Variants in SYNPO2 observed in about 807,000 individuals in gnomAD.
The protein encoded by SYNPO2 is synaptopodin 2.
A neutral mutation model predicts 85.0 loss-of-function variants in SYNPO2; 56 were observed. The observed-to-expected ratio is 0.66, with a 90% confidence interval of 0.53 to 0.82. The LOEUF (loss-of-function observed/expected upper bound fraction) is 0.82. Among genes scored for constraint, SYNPO2 ranks in the 40% least tolerant of loss-of-function variants. The pLI is 0.00. For missense variants in SYNPO2, 1,575 were observed against 1,534.2 expected (o/e 1.03, Z -0.44); for synonymous variants, 602 against 591.1 (o/e 1.02, Z -0.27).
In SYNPO2 at chr4:118,902,731, T is replaced by G. The variant is rs111839735; in HGVS notation, c.105+13590T>G. ...TTTTCTCTTCTTCTGAAATGTATTC[T>G]CCCCGTGAGAGAAGAGGAATTTAAG... On this transcript the variant is annotated intron_variant, in intron 1 of 4. Transcript: ENST00000307142. Among the ~76,000 whole-genome samples, 427 of 152,304 alleles carry G rather than the reference T, an allele frequency of 2.8e-3. 2 individuals are homozygous for G. Among genetic ancestry groups the G allele is most frequent in the African/African-American group, 9.2e-3 (382 of 41,570 alleles).
chr4:119,000,558 A>G (rs1320276271), intron 1 of SYNPO2, among the ~76,000 whole-genome samples: 1 of 152,202 alleles, frequency 6.6e-6, no homozygotes, highest in Admixed American at 6.5e-5. Flanking sequence ...AGCATGAGCT[A>G]TAGTTGCTCA....
At chr4:118,926,869 G>A (rs1042737747) in intron 1 of SYNPO2, among the ~76,000 whole-genome samples, 4 of 152,300 alleles carry the variant, frequency 2.6e-5, no homozygotes, top group African/African-American at 7.2e-5. Flanking sequence ...TACACGAGCA[G>A]ATTCCCTTCT....
chr4:118,995,228 T>C (rs1475223486), intron 1 of SYNPO2, among the ~76,000 whole-genome samples: 1 of 152,134 alleles, frequency 6.6e-6, no homozygotes, highest in African/African-American at 2.4e-5. Context: ...TCTTTAAACA[T>C]ATGCCTTTGT....
intron 1 of SYNPO2, among the ~76,000 whole-genome samples, chr4:119,011,325 C>A (rs141066209): frequency 2.6e-5 from 4 of 151,960 alleles, no homozygotes; most frequent in African/African-American, 9.7e-5. Flanking sequence ...AAATTGCAAC[C>A]AAGCCTACAC....
chr4:118,936,508 C>T (rs1203945987), intron 1 of SYNPO2, among the ~76,000 whole-genome samples: 2 of 152,016 alleles, frequency 1.3e-5, no homozygotes, highest in East Asian at 1.9e-4. Flanking sequence ...TCAAAATGGC[C>T]GTGTTCAGAT....
At chr4:119,051,413 G>C (rs1362026457) in intron 4 of SYNPO2, among the ~76,000 whole-genome samples, 2 of 151,154 alleles carry the variant, frequency 1.3e-5, no homozygotes, top group Admixed American at 1.3e-4. Flanking sequence ...GGATGGTCTC[G>C]ATCTCCTGAC....
intron 1 of SYNPO2, among the ~76,000 whole-genome samples, chr4:118,939,180 G>T (rs1203790497): frequency 2.6e-5 from 4 of 152,222 alleles, no homozygotes; most frequent in Non-Finnish European, 5.9e-5. Context: ...AGTTGGTTTA[G>T]CAGTGTCTGG....
intron 1 of SYNPO2, among the ~76,000 whole-genome samples, chr4:118,987,121 C>G (rs868523326): frequency 1.3e-5 from 2 of 152,200 alleles, no homozygotes; most frequent in South Asian, 4.1e-4. Context: ...TTTTAGATAT[C>G]TAAATGGACA....
At chr4:118,964,197 C>T (rs1337841296) in intron 1 of SYNPO2, among the ~76,000 whole-genome samples, 3 of 152,094 alleles carry the variant, frequency 2.0e-5, no homozygotes, top group Non-Finnish European at 4.4e-5. Context: ...TGCCTGCAAT[C>T]CCAGCACTTT....
chr4:118,899,113 A>G (rs1478328628), intron 1 of SYNPO2, among the ~76,000 whole-genome samples: 1 of 152,208 alleles, frequency 6.6e-6, no homozygotes, highest in Non-Finnish European at 1.5e-5. Flanking sequence ...GCTTTTGTTC[A>G]CAAGTCTGTT....
Position 118,980,853 on chromosome 4 carries a change from A to T in SYNPO2, c.106-42577A>T, listed in dbSNP as rs115449991. Among the ~76,000 whole-genome samples, 977 of 152,320 alleles carry T rather than the reference A, an allele frequency of 6.4e-3. 9 individuals are homozygous for T. Among genetic ancestry groups the T allele is most frequent in the African/African-American group, 0.022 (913 of 41,580 alleles). On this transcript the variant is annotated intron_variant, in intron 1 of 4. Transcript: ENST00000307142. ...ATGTGTGGCATGCCATCTGCACATA[A>T]GCCTATGAACCCCTAATCTGAGTTA...
chr4:118,949,731 A>G (rs62327802), intron 1 of SYNPO2, among the ~76,000 whole-genome samples: 14,977 of 152,064 alleles, frequency 0.098, 843 homozygotes, highest in East Asian at 0.16. Flanking sequence ...CCTGGGCGAC[A>G]GAGCAAGACT....
At chr4:118,977,779 G>A (rs967264442) in intron 1 of SYNPO2, among the ~76,000 whole-genome samples, 2 of 152,322 alleles carry the variant, frequency 1.3e-5, no homozygotes, top group East Asian at 1.9e-4. Flanking sequence ...TTCTTTGAAC[G>A]TATATCATGG....
At chr4:118,996,856 CA>C (rs34947994) in intron 1 of SYNPO2, among the ~76,000 whole-genome samples, 8,851 of 71,826 alleles carry the variant, frequency 0.12, 578 homozygotes, top group African/African-American at 0.29. Context: ...GACTCTGTCT[CA>C]AAAAAAAAAA....
At chr4:119,050,860 T>C (rs1483289689) in intron 4 of SYNPO2, among the ~76,000 whole-genome samples, 1 of 152,204 alleles carries the variant, frequency 6.6e-6, no homozygotes. Flanking sequence ...CCAGATGACA[T>C]GGTCCCGCAG....
At chr4:118,864,388 T>C (rs1731667803) in intron 1 of SYNPO2, among the ~76,000 whole-genome samples, 1 of 152,220 alleles carries the variant, frequency 6.6e-6, no homozygotes, top group African/African-American at 2.4e-5. Flanking sequence ...ATGATCCATG[T>C]GCTGAGGAAA....
At chr4:118,976,254 C>G (rs577129706) in intron 1 of SYNPO2, among the ~76,000 whole-genome samples, 1 of 152,144 alleles carries the variant, frequency 6.6e-6, no homozygotes, top group Admixed American at 6.5e-5. Flanking sequence ...AGGAGTGAAG[C>G]TGCAGACCTT....
chr4:118,881,515 T>C (rs892606471), intron 1 of SYNPO2, among the ~76,000 whole-genome samples: 1 of 152,174 alleles, frequency 6.6e-6, no homozygotes, highest in African/African-American at 2.4e-5. Flanking sequence ...GTGGCGTTTG[T>C]TATGGAGCCC....
intron 1 of SYNPO2, among the ~76,000 whole-genome samples, chr4:118,989,408 T>C (rs936796242): frequency 1.3e-5 from 2 of 152,228 alleles, no homozygotes; most frequent in Non-Finnish European, 2.9e-5. Flanking sequence ...GTGACTCAAA[T>C]TGGCATATGA....
Sources: gnomAD v4.1 joint callset for allele counts (sites outside exome capture counted in the v4.1 genomes callset) on GRCh38, gnomAD v4.1.1 for gene constraint, MANE v1.5 for transcripts, NCBI Gene and HGNC (gene_info 2026-07-23, HGNC 2026-07-21) for gene names.